The following ABLIM2 variants were observed in gnomAD, a reference collection of about 807,000 sequenced individuals.
ABLIM2 encodes actin-binding LIM protein 2.
Under a neutral mutation model 97.7 loss-of-function variants are expected in ABLIM2, and 53 were observed. The ratio of observed to expected loss-of-function variants is 0.54; its 90% CI spans 0.44 to 0.68. The LOEUF is 0.68. Ranked by LOEUF, ABLIM2 falls within the 30% of genes least tolerant of loss-of-function variation. The pLI is 0.00. For missense variants in ABLIM2, 835 were observed against 867.2 expected (o/e 0.96, Z 0.47); for synonymous variants, 361 against 345.8 (o/e 1.04, Z -0.49).
At chr4:8,076,501 C>G (rs1816096015) in intron 6 of ABLIM2, among the ~76,000 whole-genome samples, 1 of 152,226 alleles carries the variant, frequency 6.6e-6, no homozygotes, top group East Asian at 1.9e-4. Context: ...TTCCTCAGTG[C>G]CCCTCCCTAC....
intron 20 of ABLIM2, among the ~76,000 whole-genome samples, chr4:7,976,789 GTA>G (rs1733561607): frequency 6.6e-6 from 1 of 150,658 alleles, no homozygotes; most frequent in African/African-American, 2.5e-5. Flanking sequence ...ATACACACAA[GTA>G]TACACACATA....
chr4:8,054,355 G>C lies in ABLIM2; in HGVS notation c.764-109C>G, dbSNP rs55653863. The C allele has an allele frequency of 1.7e-6, 2 of 1,174,886 alleles. No homozygotes were observed. The highest frequency in any genetic ancestry group is 2.5e-6 in the Non-Finnish European group (2 of 804,480). The allele number at this position is 1,174,886 out of a possible 1,614,324, so 72.8% of individuals were successfully genotyped here. On this transcript the variant is annotated intron_variant, in intron 7 of 20. Coordinates refer to ENST00000447017, the MANE Select transcript of ABLIM2 (RefSeq NM_001130083.2). This position sits in a 1 kb window ranked among gnomAD's most constrained non-coding sequence, Gnocchi z 4.9. Reference sequence around the variant, plus strand: ...TGGTCCATGCACAGACGTGCACTCGGACTCCACCCTCCAAGCGGCCCTGAG... The same window carrying C: ...TGGTCCATGCACAGACGTGCACTCGCACTCCACCCTCCAAGCGGCCCTGAG...
intron 20 of ABLIM2, among the ~76,000 whole-genome samples, chr4:7,980,032 T>A (rs1384420946): frequency 6.6e-6 from 1 of 152,136 alleles, no homozygotes; most frequent in Non-Finnish European, 1.5e-5. Flanking sequence ...GCTGGAGACA[T>A]AATTTAGCCC....
At position 8,061,817 on chromosome 4, in the gene ABLIM2, T is replaced by C. The variant is rs1460169474; in HGVS notation, c.676-763A>G. Reference sequence around the variant, plus strand: ...GGGAAGAAGTTTCCTAATCCCTACCTACATCTGAATTTATAATAACCAGTT... The same window carrying C: ...GGGAAGAAGTTTCCTAATCCCTACCCACATCTGAATTTATAATAACCAGTT... On this transcript the variant is annotated intron_variant, in intron 6 of 20. Coordinates refer to ENST00000447017, the MANE Select transcript of ABLIM2 (RefSeq NM_001130083.2). The surrounding 1 kb of genome is among the most constrained non-coding windows in gnomAD (Gnocchi z 4.5). Among the ~76,000 whole-genome samples, 1 of 152,092 alleles carries C rather than the reference T, an allele frequency of 6.6e-6. No homozygotes were observed. The highest frequency in any genetic ancestry group is 1.5e-5 in the Non-Finnish European group (1 of 68,002).
chr4:8,097,919 G>A (rs1004541561), intron 2 of ABLIM2, among the ~76,000 whole-genome samples: 3 of 152,166 alleles, frequency 2.0e-5, no homozygotes, highest in African/African-American at 4.8e-5. Flanking sequence ...GAAGCACTTT[G>A]TCTCTTTTCC....
At position 8,157,781 on chromosome 4, in the gene ABLIM2, G is replaced by GC. The variant is rs368897587; in HGVS notation, c.10+898dup. On this transcript the variant is annotated intron_variant, in intron 1 of 20. Coordinates refer to ENST00000447017, the MANE Select transcript of ABLIM2 (RefSeq NM_001130083.2). ...CAGTGAGCCCGGGGTTCGAATCCCC[G>GC]CCCCCCCTTCCTGAGCCAAGCAAGT... Among the ~76,000 whole-genome samples, 1,006 of 152,356 alleles carry GC rather than the reference G, an allele frequency of 6.6e-3. 9 individuals are homozygous for GC. Among genetic ancestry groups the GC allele is most frequent in the African/African-American group, 0.023 (943 of 41,592 alleles).
intron 2 of ABLIM2, among the ~76,000 whole-genome samples, chr4:8,100,638 C>T (rs1042871671): frequency 4.6e-5 from 7 of 150,784 alleles, no homozygotes; most frequent in African/African-American, 1.5e-4. Context: ...CCCAGCTACT[C>T]GGGAGGCTGC....
intron 3 of ABLIM2, among the ~76,000 whole-genome samples, chr4:8,090,096 G>C (rs187409874): frequency 6.8e-4 from 104 of 152,334 alleles, no homozygotes; most frequent in African/African-American, 2.2e-3. Flanking sequence ...GACAAATACA[G>C]GCTGAGCTGA....
rs756529150 is a variant in ABLIM2, at chr4:8,060,998, C to T, written c.732G>A (p.Met244Ile). The change falls in exon 7 of 21, where the codon ATG becomes ATA. Residue 244 changes from methionine (M) to isoleucine (I), a missense_variant. Coordinates refer to ENST00000447017, the MANE Select transcript of ABLIM2 (RefSeq NM_001130083.2). ...GATACATCTCTTCGCCTTCTGCAAA[C>T]ATCTGGCCGCACCTGACACATAGCG... is the stretch of plus-strand genomic sequence containing the variant. Reference protein sequence around the residue: ...SCALCVRCGQMFAEGEEMYLQ... With the variant: ...SCALCVRCGQIFAEGEEMYLQ... The T allele has an allele frequency of 8.8e-6, 14 of 1,598,966 alleles. No individual in the cohort carries two copies. In the South Asian group the frequency reaches 1.6e-4, roughly 18 times the overall value.
chr4:8,136,436 T>C (rs1297722683), intron 1 of ABLIM2, among the ~76,000 whole-genome samples: 2 of 152,248 alleles, frequency 1.3e-5, no homozygotes, highest in African/African-American at 2.4e-5. Context: ...GATGGAAATA[T>C]AATGTATACA....
At chr4:7,983,678 T>A in intron 18 of ABLIM2, 124 bp from the exon 19 acceptor site, 2 of 1,219,132 alleles carry the variant, frequency 1.6e-6, no homozygotes. Flanking sequence ...GGGCCATGCA[T>A]GGTCCCCGAG....
Position 8,023,945 on chromosome 4 carries a change from G to T in ABLIM2, c.1268-3642C>A, listed in dbSNP as rs1775655361. ...GGTGACACCGCAGAGAGGCCAGCTGGTGGCCACGGGCAGGCCAGGTAGGAT... is the reference window on the plus strand; with the variant it reads ...GGTGACACCGCAGAGAGGCCAGCTGTTGGCCACGGGCAGGCCAGGTAGGAT... On this transcript the variant is annotated intron_variant, in intron 12 of 20. Coordinates refer to ENST00000447017, the MANE Select transcript of ABLIM2 (RefSeq NM_001130083.2). This position sits in a 1 kb window ranked among gnomAD's most constrained non-coding sequence, Gnocchi z 5.7. 6.6e-6 allele frequency among the ~76,000 whole-genome samples: 1 copy of T among 152,202 alleles called. No homozygotes were observed.
In ABLIM2 at chr4:8,003,812, G is replaced by A. The variant is rs560677012; in HGVS notation, c.1618+4247C>T. Among the ~76,000 whole-genome samples the A allele has an allele frequency of 4.7e-4, 72 of 152,074 alleles. No individual in the cohort carries two copies. The highest frequency in any genetic ancestry group is 1.6e-3 in the African/African-American group (67 of 41,494). The stretch of plus-strand genomic sequence containing the variant: ...ACTCCTGACCTCAGGTGATCTGCCC[G>A]CCTCGGCCTCCCAAAGTGCTGGGAT... On this transcript the variant is annotated intron_variant, in intron 16 of 20. Coordinates refer to ENST00000447017, the MANE Select transcript of ABLIM2 (RefSeq NM_001130083.2). This position sits in a 1 kb window ranked among gnomAD's most constrained non-coding sequence, Gnocchi z 4.2.
At chr4:8,098,146 A>C (rs560120763) in intron 2 of ABLIM2, among the ~76,000 whole-genome samples, 1 of 152,250 alleles carries the variant, frequency 6.6e-6, no homozygotes, top group Admixed American at 6.5e-5. Context: ...GGAGCAGCCC[A>C]CAGCCTCCCC....
intron 10 of ABLIM2, among the ~76,000 whole-genome samples, chr4:8,034,063 CAGGATGTGCTG>C: frequency 6.6e-6 from 1 of 152,308 alleles, no homozygotes; most frequent in South Asian, 2.1e-4. Context: ...GAGAGAGCGC[CAGGATGTGCTG>C]AGAAAATAGC....
chr4:8,110,045 C>T (rs776255423), intron 1 of ABLIM2, among the ~76,000 whole-genome samples: 2 of 152,204 alleles, frequency 1.3e-5, no homozygotes, highest in East Asian at 1.9e-4. Context: ...CAGTGCAGAA[C>T]GAGGATTAGA....
chr4:7,977,373 C>T (rs758578533), intron 20 of ABLIM2, among the ~76,000 whole-genome samples: 1 of 152,096 alleles, frequency 6.6e-6, no homozygotes, highest in East Asian at 1.9e-4. Flanking sequence ...CACATACCCA[C>T]ATGTATATGC....
chr4:8,107,399 C>G (rs1413023791), intron 1 of ABLIM2, among the ~76,000 whole-genome samples: 1 of 152,248 alleles, frequency 6.6e-6, no homozygotes, highest in Non-Finnish European at 1.5e-5. Flanking sequence ...TGAGGGGCTC[C>G]CAGTGGGCAT....
rs754001654 is a variant in ABLIM2, at chr4:8,068,337, G to A, written c.676-7283C>T. 6.6e-6 allele frequency among the ~76,000 whole-genome samples: 1 copy of A among 152,182 alleles called. No homozygotes were observed. The highest frequency in any genetic ancestry group is 1.5e-5 in the Non-Finnish European group (1 of 68,026). On this transcript the variant is annotated intron_variant, in intron 6 of 20. Transcript: ENST00000447017. The surrounding 1 kb of genome is among the most constrained non-coding windows in gnomAD (Gnocchi z 4.5). Reference sequence around the variant, plus strand: ...TGTCATCTTTAATAAGGCAGAACGAGGTGCCAGGGAAGCACACCCACAGCC... The same window carrying A: ...TGTCATCTTTAATAAGGCAGAACGAAGTGCCAGGGAAGCACACCCACAGCC...
Sources: gnomAD v4.1 joint callset for allele counts (sites outside exome capture counted in the v4.1 genomes callset) on GRCh38, gnomAD v4.1.1 for gene constraint, Gnocchi (gnomAD v3.1) non-coding constraint, MANE v1.5 for transcripts, NCBI Gene and HGNC (gene_info 2026-07-23, HGNC 2026-07-21) for gene names.